Variants in KDM5A observed in about 807,000 individuals in gnomAD.
The protein encoded by KDM5A is lysine demethylase 5A.
KDM5A carries 42 observed loss-of-function variants against 193.5 expected under a neutral mutation model. That is an observed-to-expected ratio of 0.22 (90% CI 0.17 to 0.28). The LOEUF (loss-of-function observed/expected upper bound fraction) is 0.28, where lower values mean the gene tolerates loss of function less well. Ranked by LOEUF, KDM5A falls within the 10% of genes least tolerant of loss-of-function variation. KDM5A has a pLI of 1.00. For synonymous variants in KDM5A, 796 were observed against 718.1 expected (o/e 1.11, Z -1.73); for missense variants, 1,692 against 2,055.1 (o/e 0.82, Z 3.42).
At chr12:296,930 T>C (rs939283579) in intron 25 of KDM5A, 111 bp downstream of exon 25, 1 of 1,136,116 alleles carries the variant, frequency 8.8e-7, no homozygotes, top group South Asian at 1.3e-5. Flanking sequence ...TAGTATTTCA[T>C]GGCCAACCAT....
chr12:348,343 G>C (rs1055462744), intron 10 of KDM5A, among the ~76,000 whole-genome samples: 8 of 152,232 alleles, frequency 5.3e-5, no homozygotes, highest in African/African-American at 1.9e-4. Flanking sequence ...CATTGTGGAA[G>C]TCAGTGTGGC....
At chr12:355,038 C>T in intron 7 of KDM5A, 120 bp downstream of exon 7, 1 of 731,804 alleles carries the variant, frequency 1.4e-6, no homozygotes, top group South Asian at 1.4e-5. Flanking sequence ...CACAGATGTG[C>T]CATCAAGTCT....
chr12:285,259 C>G lies in KDM5A; in HGVS notation c.*197G>C, dbSNP rs913251364. 3.3e-6 allele frequency: 2 copies of G among 604,602 alleles called. No homozygotes were observed. The highest frequency in any genetic ancestry group is 5.9e-6 in the Non-Finnish European group (2 of 339,086). The allele number at this position is 604,602 out of a possible 1,614,324, so 37.5% of individuals were successfully genotyped here. ...ATTGGCTGTTGTACCAAAGAAGACA[C>G]CCTCTGCATAGATATGTTGATAGAG... On this transcript the variant is annotated 3_prime_UTR_variant, in exon 28 of 28. Transcript: ENST00000399788.
intron 19 of KDM5A, among the ~76,000 whole-genome samples, chr12:314,770 G>A (rs1044525863): frequency 6.6e-6 from 1 of 152,098 alleles, no homozygotes; most frequent in African/African-American, 2.4e-5. Context: ...CTCCACAGGA[G>A]AATAAAATAA....
At chr12:372,002 C>A (rs917209298) in intron 3 of KDM5A, among the ~76,000 whole-genome samples, 1 of 152,110 alleles carries the variant, frequency 6.6e-6, no homozygotes, top group African/African-American at 2.4e-5. Flanking sequence ...GTTACTGTAG[C>A]CTTGTAGTAT....
At chr12:302,122 T>C (rs1943449531) in intron 24 of KDM5A, among the ~76,000 whole-genome samples, 1 of 152,160 alleles carries the variant, frequency 6.6e-6, no homozygotes, top group Admixed American at 6.5e-5. Flanking sequence ...GATTCAATGC[T>C]ATTCCCATCA....
intron 1 of KDM5A, among the ~76,000 whole-genome samples, chr12:386,806 G>A (rs1209847400): frequency 2.0e-5 from 3 of 151,820 alleles, no homozygotes; most frequent in Admixed American, 6.6e-5. Flanking sequence ...CAGTCCCACC[G>A]TTTACCTCCC....
Position 389,153 on chromosome 12 carries a change from G to GC in KDM5A, c.-63dup. 6.7e-7 allele frequency: 1 copy of GC among 1,483,204 alleles called. No homozygotes were observed. The highest frequency in any genetic ancestry group is 1.1e-5 in the South Asian group (1 of 88,646). The allele number at this position is 1,483,204 out of a possible 1,614,324, so 91.9% of individuals were successfully genotyped here. A position where few individuals can be genotyped will look rare whatever the true frequency, so the allele number is the denominator to read the frequency against. On this transcript the variant is annotated 5_prime_UTR_variant, in exon 1 of 28. Transcript: ENST00000399788. ...AACCGGTGGAGAAAAGCTGGCTGAA[G>GC]CCCACTAAGCCCGTTCAAGTCCCCT...
chr12:357,737 A>C (rs1284309917), intron 5 of KDM5A, among the ~76,000 whole-genome samples: 2 of 146,864 alleles, frequency 1.4e-5, no homozygotes, highest in East Asian at 2.0e-4. Flanking sequence ...CTGAAGCAGA[A>C]GAATTACTTG....
intron 3 of KDM5A, among the ~76,000 whole-genome samples, chr12:378,972 A>C (rs1157061031): frequency 3.9e-5 from 6 of 151,966 alleles, no homozygotes; most frequent in Non-Finnish European, 7.4e-5. Context: ...AAAAAAAAAA[A>C]AAAACTAATT....
Position 299,660 on chromosome 12 carries a change from C to T in KDM5A, c.4075-2460G>A, listed in dbSNP as rs570899671. ...ATCAACTAACAGGCAAAATAACCAG[C>T]TAACATCATAATGACAGGATCAAAT... On this transcript the variant is annotated intron_variant, in intron 24 of 27. Coordinates refer to ENST00000399788, the MANE Select transcript of KDM5A (RefSeq NM_001042603.3). Among the ~76,000 whole-genome samples the T allele has an allele frequency of 5.9e-3, 902 of 152,270 alleles. 8 individuals are homozygous for T. The highest frequency in any genetic ancestry group is 9.8e-3 in the Non-Finnish European group (664 of 68,026).
intron 27 of KDM5A, 144 bp downstream of exon 27, chr12:292,615 G>T: frequency 2.0e-6 from 2 of 1,006,002 alleles, no homozygotes; most frequent in Non-Finnish European, 1.5e-6. Flanking sequence ...ATTCAAAACA[G>T]TTTATAGAAA....
chr12:369,689 T>C (rs2300134), intron 3 of KDM5A, among the ~76,000 whole-genome samples: 107,005 of 151,988 alleles, frequency 0.7, 37,881 homozygotes, highest in Middle Eastern at 0.78. Flanking sequence ...CAGAAGCATG[T>C]CTAGAGTGTT....
chr12:372,643 T>C (rs1399551473), intron 3 of KDM5A, among the ~76,000 whole-genome samples: 1 of 152,198 alleles, frequency 6.6e-6, no homozygotes, highest in African/African-American at 2.4e-5. Flanking sequence ...ATAGGAGTGG[T>C]GAGAGAGGGC....
chr12:388,296 TA>T (rs1277002171), intron 1 of KDM5A: 2 of 455,924 alleles, frequency 4.4e-6, no homozygotes, highest in Non-Finnish European at 8.8e-6. Flanking sequence ...ACTGTGATTC[TA>T]AAATCGTTGA....
intron 2 of KDM5A, among the ~76,000 whole-genome samples, chr12:384,636 C>A (rs1944617271): frequency 6.6e-6 from 1 of 152,194 alleles, no homozygotes; most frequent in African/African-American, 2.4e-5. Flanking sequence ...CAAAAGACTT[C>A]TAATAAACTA....
intron 5 of KDM5A, among the ~76,000 whole-genome samples, chr12:360,957 A>G (rs1944287058): frequency 6.6e-6 from 1 of 152,232 alleles, no homozygotes; most frequent in African/African-American, 2.4e-5. Context: ...GACAAAGACT[A>G]AGTATGAATA....
chr12:324,236 G>GTA (rs1192088681), intron 14 of KDM5A, among the ~76,000 whole-genome samples: 2 of 152,018 alleles, frequency 1.3e-5, no homozygotes, highest in Admixed American at 6.6e-5. Context: ...AGGCCAGGCT[G>GTA]TAGTAAGCTA....
intron 15 of KDM5A, 31 bp from the exon 16 acceptor site, chr12:323,237 A>AG: frequency 6.7e-7 from 1 of 1,497,744 alleles, no homozygotes; most frequent in Non-Finnish European, 8.9e-7. Flanking sequence ...AAAAAAAAAA[A>AG]AAGAAAACAG....
Sources: gnomAD v4.1 joint callset for allele counts (sites outside exome capture counted in the v4.1 genomes callset) on GRCh38, gnomAD v4.1.1 for gene constraint, MANE v1.5 for transcripts, NCBI Gene and HGNC (gene_info 2026-07-23, HGNC 2026-07-21) for gene names.